Variants in DTX3 observed in about 807,000 individuals in gnomAD.
DTX3 encodes the protein E3 ubiquitin-protein ligase DTX3.
Under a neutral mutation model 27.4 loss-of-function variants are expected in DTX3, and 10 were observed. The observed-to-expected ratio is 0.36, with a 90% CI of 0.22 to 0.62. The LOEUF is 0.62. DTX3 is among the 20% of genes least tolerant of loss of function. The pLI is 0.68. For missense variants in DTX3, 319 were observed against 463.8 expected, an observed-to-expected ratio of 0.69 and a Z score of 2.87; for synonymous variants, 171 against 190.7, an observed-to-expected ratio of 0.90 and a Z score of 0.85.
intron 1 of DTX3, 22 bp downstream of exon 1, chr12:57,604,880 C>G (rs560923821): frequency 6.6e-6 from 1 of 151,984 alleles, no homozygotes; most frequent in African/African-American, 2.4e-5. Context: ...CGGCGCCCCC[C>G]ACACCCACCG....
rs1883886780 is a variant in DTX3 at position 57,608,992 on chromosome 12, A to G, written c.969-85A>G. On this transcript the variant is annotated intron_variant, in intron 6 of 6. Transcript: ENST00000337737. The surrounding 1 kb of genome is among the most constrained non-coding windows in gnomAD (Gnocchi z 6.1). ...CTTAGGGGAGGTGGGGAGGTGTCTG[A>G]GCCACCTAGAATGAGGGTGAGCATG... is the stretch of plus-strand genomic sequence containing the variant. 1 of 1,322,486 alleles carries G rather than the reference A, an allele frequency of 7.6e-7. No individual in the cohort carries two copies. The allele number at this position is 1,322,486 out of a possible 1,614,324, so 81.9% of individuals were successfully genotyped here.
intron 3 of DTX3, 77 bp from the exon 4 acceptor site, chr12:57,606,366 A>G (rs1234687047): frequency 1.7e-6 from 2 of 1,155,376 alleles, no homozygotes; most frequent in Non-Finnish European, 2.5e-6. Context: ...TCTCTGTTCC[A>G]TGGGCTGCTG....
At position 57,609,114 on chromosome 12, in the gene DTX3, C is replaced by A; in HGVS notation, c.1006C>A (p.Gln336Lys). 6.2e-7 allele frequency: 1 copy of A among 1,614,180 alleles called. No individual in the cohort carries two copies. Residue 336 changes from glutamine to lysine, a missense_variant, in exon 7 of 7, where the codon CAA becomes AAA. Physicochemically the swap from Gln to Lys is moderately conservative, Grantham distance 53. Around this residue, in one of 2 missense-constraint regions of DTX3, gnomAD observed 117 missense variants for 258.5 expected, o/e 0.45. Transcript: ENST00000337737. ...AGACCCCACCTACCTGACCCGGGTGCAAGAGGAGCTGAGAGCGAAGGGTAT... is the reference window on the plus strand; with the variant it reads ...AGACCCCACCTACCTGACCCGGGTGAAAGAGGAGCTGAGAGCGAAGGGTAT... ...YPDPTYLTRV[Q>K]EELRAKGITD... is the part of the protein sequence containing the mutation.
chr12:57,608,945 CT>C lies in DTX3; in HGVS notation c.969-130del, dbSNP rs1329599110. The C allele has an allele frequency of 7.4e-6, 8 of 1,081,414 alleles. No individual in the cohort carries two copies. The highest frequency in any genetic ancestry group is 9.7e-6 in the Non-Finnish European group (7 of 718,832). The allele number at this position is 1,081,414 out of a possible 1,614,324, so 67.0% of individuals were successfully genotyped here. On this transcript the variant is annotated intron_variant, in intron 6 of 6. Coordinates refer to ENST00000337737, the MANE Select transcript of DTX3 (RefSeq NM_178502.4). This position sits in a 1 kb window ranked among gnomAD's most constrained non-coding sequence, Gnocchi z 6.1. Reference sequence around the variant, plus strand: ...AATAAGCAGAACTGGGCTAAATTATCTTGGATTTGGAGGTGTCCTCCCTTAG... The same window carrying C: ...AATAAGCAGAACTGGGCTAAATTATCTGGATTTGGAGGTGTCCTCCCTTAG...
At chr12:57,606,339 C>T (rs1410131262) in intron 3 of DTX3, 87 bp downstream of exon 3, 2 of 807,102 alleles carry the variant, frequency 2.5e-6, no homozygotes, top group Non-Finnish European at 3.9e-6. Context: ...TCTTAGTAAC[C>T]TATACCCAGG....
chr12:57,609,014 C>T, intron 6 of DTX3, 63 bp from the exon 7 acceptor site: 2 of 1,467,476 alleles, frequency 1.4e-6, no homozygotes, highest in Non-Finnish European at 9.5e-7. Context: ...TGAGGGTGAG[C>T]ATGGGGATAA....
In DTX3 at chr12:57,607,766, C is replaced by G. The variant is rs1327251071; in HGVS notation, c.750+153C>G. 6.6e-6 allele frequency among the ~76,000 whole-genome samples: 1 copy of G among 152,140 alleles called. No homozygotes were observed. Among genetic ancestry groups the G allele is most frequent in the East Asian group, 1.9e-4 (1 of 5,200 alleles). ...TCAGTGCCCTGGACCTAGGAGGTCC[C>G]CGTGAGGCCCAGCCTTTCCATCCCT... On this transcript the variant is annotated intron_variant, in intron 5 of 6. Transcript: ENST00000337737. The surrounding 1 kb of genome is among the most constrained non-coding windows in gnomAD (Gnocchi z 7.7).
chr12:57,606,936 G>C lies in DTX3; in HGVS notation c.73G>C (p.Val25Leu). 1 of 1,614,222 alleles carries C rather than the reference G, an allele frequency of 6.2e-7. No individual in the cohort carries two copies. Among genetic ancestry groups the C allele is most frequent in the South Asian group, 1.1e-5 (1 of 91,088 alleles). ...GAACAAAGTGACTGTGTCCAAGCCC[G>C]TGTGGGACTTCCTGAGCAAAGAGAC... ...CKNKVTVSKP[V>L]WDFLSKETPA... The change falls in exon 5 of 7, where the codon GTG becomes CTG. Residue 25 changes from valine (V) to leucine (L), a missense_variant. This residue lies in a region of DTX3 where 202 missense variants were observed against 205.3 expected (regional missense o/e 0.98). Transcript: ENST00000337737.
Position 57,607,851 on chromosome 12 carries a change from A to G in DTX3, c.750+238A>G, listed in dbSNP as rs916848753. 2.0e-5 allele frequency among the ~76,000 whole-genome samples: 3 copies of G among 152,122 alleles called. No homozygotes were observed. Among genetic ancestry groups the G allele is most frequent in the African/African-American group, 7.2e-5 (3 of 41,416 alleles). ...GCTAGGAAAAAAAAAAGCAAATCAG[A>G]TATGAGAGGAAGGAATTGCATATTA... On this transcript the variant is annotated intron_variant, in intron 5 of 6. Coordinates refer to ENST00000337737, the MANE Select transcript of DTX3 (RefSeq NM_178502.4). This position sits in a 1 kb window ranked among gnomAD's most constrained non-coding sequence, Gnocchi z 7.7.
At position 57,608,245 on chromosome 12, in the gene DTX3, T is replaced by C. The variant is rs1370956856; in HGVS notation, c.751-275T>C. 6.6e-6 allele frequency among the ~76,000 whole-genome samples: 1 copy of C among 151,980 alleles called. No individual in the cohort carries two copies. Among genetic ancestry groups the C allele is most frequent in the Non-Finnish European group, 1.5e-5 (1 of 67,960 alleles). Reference sequence around the variant, plus strand: ...GAGTGTAGGGACCAGCTAACTTCCATCACTTCTGAGAATCCATTTGTTGCT... The same window carrying C: ...GAGTGTAGGGACCAGCTAACTTCCACCACTTCTGAGAATCCATTTGTTGCT... On this transcript the variant is annotated intron_variant, in intron 5 of 6. Transcript: ENST00000337737. The surrounding 1 kb of genome is among the most constrained non-coding windows in gnomAD (Gnocchi z 6.1).
rs761762964 is a variant in DTX3, at chr12:57,609,163, C to T, written c.*11C>T. On this transcript the variant is annotated 3_prime_UTR_variant, in exon 7 of 7. Coordinates refer to ENST00000337737, the MANE Select transcript of DTX3 (RefSeq NM_178502.4). ...ATCACAGATGACTGAAGGACATCGCCTTTGCCAAGGCCCCTGCTGTCTGCC... is the reference window on the plus strand; with the variant it reads ...ATCACAGATGACTGAAGGACATCGCTTTTGCCAAGGCCCCTGCTGTCTGCC... The T allele has an allele frequency of 4.3e-6, 7 of 1,613,902 alleles. No homozygotes were observed. Among genetic ancestry groups the T allele is most frequent in the Non-Finnish European group, 5.9e-6 (7 of 1,179,822 alleles).
In DTX3 at chr12:57,609,397, C is replaced by T. The variant is rs1883917268; in HGVS notation, c.*245C>T. 2 of 540,768 alleles carry T rather than the reference C, an allele frequency of 3.7e-6. No individual in the cohort carries two copies. Among genetic ancestry groups the T allele is most frequent in the South Asian group, 2.2e-5 (1 of 46,016 alleles). The allele number at this position is 540,768 out of a possible 1,614,324, so 33.5% of individuals were successfully genotyped here. ...CTCCAAGGCTCTGTTCTCCCCTCCC[C>T]GTGTACATATACTCCCGGTTTCCCT... On this transcript the variant is annotated 3_prime_UTR_variant, in exon 7 of 7. Coordinates refer to ENST00000337737, the MANE Select transcript of DTX3 (RefSeq NM_178502.4).
rs183502759 is a variant in DTX3, at chr12:57,609,776, A to C, written c.*624A>C. The C allele has an allele frequency of 3.0e-3, 477 of 156,936 alleles. 1 individual carries two copies. Among genetic ancestry groups the C allele is most frequent in the Non-Finnish European group, 4.4e-3 (313 of 70,906 alleles). The allele number at this position is 156,936 out of a possible 1,614,324, so 9.7% of individuals were successfully genotyped here. ...GCCAGACTGTAGCTTTTAATTTAAT[A>C]AAAATAAAGTAAAATATGCAACTCT... On this transcript the variant is annotated 3_prime_UTR_variant, in exon 7 of 7. Coordinates refer to ENST00000337737, the MANE Select transcript of DTX3 (RefSeq NM_178502.4).
In DTX3 at chr12:57,608,869, A is replaced by T. The variant is rs1483908027; in HGVS notation, c.968+132A>T. On this transcript the variant is annotated intron_variant, in intron 6 of 6. Transcript: ENST00000337737. This position sits in a 1 kb window ranked among gnomAD's most constrained non-coding sequence, Gnocchi z 6.1. The stretch of plus-strand genomic sequence containing the variant: ...CACTTCCAAACTGTTCAGCCATCTC[A>T]GTTTCTCCTACATTCAACCTGGTCC... 1 of 1,200,688 alleles carries T rather than the reference A, an allele frequency of 8.3e-7. No homozygotes were observed. Among genetic ancestry groups the T allele is most frequent in the Non-Finnish European group, 1.2e-6 (1 of 830,224 alleles). 74.4% of individuals were successfully genotyped at this position (1,200,688 alleles called of 1,614,324 possible). A position where few individuals can be genotyped will look rare whatever the true frequency, so the allele number is the denominator to read the frequency against.
Position 57,608,858 on chromosome 12 carries a change from T to A in DTX3, c.968+121T>A. 8.0e-7 allele frequency: 1 copy of A among 1,250,198 alleles called. No individual in the cohort carries two copies. The highest frequency in any genetic ancestry group is 1.1e-6 in the Non-Finnish European group (1 of 874,988). 77.4% of individuals were successfully genotyped at this position (1,250,198 alleles called of 1,614,324 possible). On this transcript the variant is annotated intron_variant, in intron 6 of 6. Transcript: ENST00000337737. This position sits in a 1 kb window ranked among gnomAD's most constrained non-coding sequence, Gnocchi z 6.1. The stretch of plus-strand genomic sequence containing the variant: ...CTGGAGAGAACCACTTCCAAACTGT[T>A]CAGCCATCTCAGTTTCTCCTACATT...
In DTX3 at chr12:57,606,456, C is replaced by T. The variant is rs1883724066; in HGVS notation, c.-62C>T. 3 of 1,612,648 alleles carry T rather than the reference C, an allele frequency of 1.9e-6. No individual in the cohort carries two copies. Among genetic ancestry groups the T allele is most frequent in the African/African-American group, 2.7e-5 (2 of 74,826 alleles). On this transcript the variant is annotated 5_prime_UTR_variant, in exon 4 of 7. Transcript: ENST00000337737. ...CCGCCCTACCAGGTCACACGACCTA[C>T]AAGTAGGGAGCAGGGAAAGAAGAGT...
At position 57,608,827 on chromosome 12, in the gene DTX3, T is replaced by A. The variant is rs911755061; in HGVS notation, c.968+90T>A. The stretch of plus-strand genomic sequence containing the variant: ...CCACCAACCCCTCGCTCACGGAGCC[T>A]CCTAACTGGAGAGAACCACTTCCAA... On this transcript the variant is annotated intron_variant, in intron 6 of 6. Transcript: ENST00000337737. The surrounding 1 kb of genome is among the most constrained non-coding windows in gnomAD (Gnocchi z 6.1). 1 of 1,449,412 alleles carries A rather than the reference T, an allele frequency of 6.9e-7. No individual in the cohort carries two copies. The highest frequency in any genetic ancestry group is 1.9e-5 in the Admixed American group (1 of 51,976). The allele number at this position is 1,449,412 out of a possible 1,614,324, so 89.8% of individuals were successfully genotyped here.
At position 57,606,997 on chromosome 12, in the gene DTX3, G is replaced by T; in HGVS notation, c.134G>T (p.Arg45Leu). 2 of 1,614,168 alleles carry T rather than the reference G, an allele frequency of 1.2e-6. No individual in the cohort carries two copies. The highest frequency in any genetic ancestry group is 1.7e-6 in the Non-Finnish European group (2 of 1,180,028). The change falls in exon 5 of 7, where the codon CGT becomes CTT. Residue 45 changes from arginine (R) to leucine (L), a missense_variant. By Grantham distance (102) the Arg-to-Leu change is moderately radical. Transcript: ENST00000337737. ...ARLARLREEH[R>L]VSILIDGETS... ...CTGGCCCGGCTTCGGGAGGAGCACCGTGTGTCCATCCTCATAGATGGCGAG... is the reference window on the plus strand; with the variant it reads ...CTGGCCCGGCTTCGGGAGGAGCACCTTGTGTCCATCCTCATAGATGGCGAG...
rs1223576644 is a variant in DTX3 at position 57,609,335 on chromosome 12, A to G, written c.*183A>G. ...CATCCCCCACTGGCCAAGTGTTTCA[A>G]TGCAGTGTGAGCCACTCCCTTCTGG... On this transcript the variant is annotated 3_prime_UTR_variant, in exon 7 of 7. Coordinates refer to ENST00000337737, the MANE Select transcript of DTX3 (RefSeq NM_178502.4). 4.4e-5 allele frequency: 27 copies of G among 620,384 alleles called. No homozygotes were observed. Among genetic ancestry groups the G allele is most frequent in the Admixed American group, 8.0e-5 (3 of 37,610 alleles). 38.4% of individuals were successfully genotyped at this position (620,384 alleles called of 1,614,324 possible).
Sources: gnomAD v4.1 joint callset for allele counts (sites outside exome capture counted in the v4.1 genomes callset) on GRCh38, gnomAD v4.1.1 for gene constraint, gnomAD v4.1.1 regional missense constraint, Gnocchi (gnomAD v3.1) non-coding constraint, MANE v1.5 for transcripts, NCBI Gene and HGNC (gene_info 2026-07-23, HGNC 2026-07-21) for gene names.